Variants in TSC1 observed in about 807,000 individuals in gnomAD.
The protein encoded by TSC1 is TSC complex subunit 1, also known as hamartin.
TSC1 carries 20 observed loss-of-function variants against 124.3 expected under a neutral mutation model. The ratio of observed to expected loss-of-function variants is 0.16; its 90% CI spans 0.11 to 0.23. The LOEUF (loss-of-function observed/expected upper bound fraction) is 0.23, where lower values mean the gene tolerates loss of function less well. Ranked by LOEUF, TSC1 falls within the 10% of genes least tolerant of loss-of-function variation. The pLI, the probability that TSC1 is intolerant of heterozygous loss-of-function variation, is 1.00. For synonymous variants in TSC1, 493 were observed against 539.1 expected, an observed-to-expected ratio of 0.91 and a Z score of 1.19; for missense variants, 1,124 against 1,448.5, an observed-to-expected ratio of 0.78 and a Z score of 3.64.
chr9:132,906,595 C>T lies in TSC1; in HGVS notation c.1438+136G>A, dbSNP rs1012424202. 1 of 767,966 alleles carries T rather than the reference C, an allele frequency of 1.3e-6. No individual in the cohort carries two copies. The highest frequency in any genetic ancestry group is 2.1e-5 in the Admixed American group (1 of 48,112). The allele number at this position is 767,966 out of a possible 1,614,324, so 47.6% of individuals were successfully genotyped here. A position where few individuals can be genotyped will look rare whatever the true frequency, so the allele number is the denominator to read the frequency against. ...GGCATCACTTTACCTGGCATAGGTCCCAGACTAAACCACCCATCTTGTTAC... is the reference window on the plus strand; with the variant it reads ...GGCATCACTTTACCTGGCATAGGTCTCAGACTAAACCACCCATCTTGTTAC... On this transcript the variant is annotated intron_variant, in intron 14 of 22. Transcript: ENST00000298552. This position sits in a 1 kb window ranked among gnomAD's most constrained non-coding sequence, Gnocchi z 4.1.
Position 132,896,217 on chromosome 9 carries a change from C to A in TSC1, c.*18G>T. The A allele has an allele frequency of 1.2e-6, 2 of 1,614,176 alleles. No homozygotes were observed. The highest frequency in any genetic ancestry group is 1.1e-5 in the South Asian group (1 of 91,090). On this transcript the variant is annotated 3_prime_UTR_variant, in exon 23 of 23. Transcript: ENST00000298552. The surrounding 1 kb of genome is among the most constrained non-coding windows in gnomAD (Gnocchi z 4.5). ...TGTGCCAACAATATGCAAGTTAACACTGATTGACCATCATTCCTTAGCTGT... is the reference window on the plus strand; with the variant it reads ...TGTGCCAACAATATGCAAGTTAACAATGATTGACCATCATTCCTTAGCTGT...
intron 2 of TSC1, 127 bp from the exon 3 acceptor site, chr9:132,929,079 TCAAA>T: frequency 1.4e-6 from 1 of 730,510 alleles, no homozygotes; most frequent in Admixed American, 3.0e-5. Flanking sequence ...ATTCTCTGAT[TCAAA>T]CAGTGAGTAC....
At chr9:132,944,673 G>A, upstream of TSC1, 1 of 398,850 alleles carries the variant, frequency 2.5e-6, no homozygotes, top group Non-Finnish European at 4.4e-6. Flanking sequence ...CCACGAAAAA[G>A]AGTCCCCCTC....
rs1845935252 is a variant in TSC1, at chr9:132,911,123, T to C, written c.1030-10A>G. On this transcript the variant is annotated splice_polypyrimidine_tract_variant and intron_variant, in intron 10 of 22. Coordinates refer to ENST00000298552, the MANE Select transcript of TSC1 (RefSeq NM_000368.5). ...GGCTCCAAAGAGTAGCCTGGGAAGT[T>C]AATAAAGTACATCAGCAGTGGCAAA... The C allele has an allele frequency of 6.2e-7, 1 of 1,604,552 alleles. No homozygotes were observed. The highest frequency in any genetic ancestry group is 1.1e-5 in the South Asian group (1 of 90,882).
In TSC1 at chr9:132,910,636, G is replaced by C. The variant is rs773160913; in HGVS notation, c.1198C>G (p.Leu400Val). Residue 400 changes from leucine (L) to valine (V), a missense_variant, in exon 12 of 23, where the codon CTC becomes GTC. Around this residue, in one of 5 missense-constraint regions of TSC1, gnomAD observed 463 missense variants for 606.8 expected, o/e 0.76. Transcript: ENST00000298552. The part of the protein sequence containing the change: ...TPATSPPPAP[L>V]CHSDDYVHIS... Reference sequence around the variant, plus strand: ...TGCACGTAGTCATCCGAATGACAGAGTGGGGCTGGAGGAGGAGAGGTTGCT... The same window carrying C: ...TGCACGTAGTCATCCGAATGACAGACTGGGGCTGGAGGAGGAGAGGTTGCT... The C allele has an allele frequency of 6.2e-7, 1 of 1,614,136 alleles. No individual in the cohort carries two copies. The highest frequency in any genetic ancestry group is 8.5e-7 in the Non-Finnish European group (1 of 1,180,050).
intron 8 of TSC1, among the ~76,000 whole-genome samples, chr9:132,913,970 C>T (rs1278768177): frequency 7.6e-6 from 1 of 132,124 alleles, no homozygotes; most frequent in Non-Finnish European, 1.6e-5. Flanking sequence ...GCAATCTCGA[C>T]TCACTGCAAC....
At chr9:132,927,825 C>T (rs1846967567) in intron 3 of TSC1, among the ~76,000 whole-genome samples, 1 of 152,122 alleles carries the variant, frequency 6.6e-6, no homozygotes, top group African/African-American at 2.4e-5. Context: ...ACACCTGGCC[C>T]TTTATTGCTT....
intron 18 of TSC1, 92 bp from the exon 19 acceptor site, chr9:132,901,791 T>A (rs1564476345): frequency 9.0e-7 from 1 of 1,112,604 alleles, no homozygotes; most frequent in East Asian, 2.4e-5. Flanking sequence ...GGACTGGGAA[T>A]GCCTTAGCTC....
At chr9:132,905,371 T>C (rs1010695335) in intron 15 of TSC1, among the ~76,000 whole-genome samples, 4 of 152,212 alleles carry the variant, frequency 2.6e-5, no homozygotes, top group African/African-American at 9.7e-5. Context: ...AATGGACTGC[T>C]AAGGAATCAT....
Position 132,900,832 on chromosome 9 carries a change from T to C in TSC1, c.2508A>G (p.Ser836=), listed in dbSNP as rs1554814456. 6.2e-7 allele frequency: 1 copy of C among 1,614,084 alleles called. No homozygotes were observed. The highest frequency in any genetic ancestry group is 8.5e-7 in the Non-Finnish European group (1 of 1,179,980). Residue 836 remains serine (S), a synonymous_variant, in exon 20 of 23, where the codon TCA becomes TCG. Coordinates refer to ENST00000298552, the MANE Select transcript of TSC1 (RefSeq NM_000368.5). The part of the protein sequence containing the change: ...LLLSQVSQKL[S]NSESVQQQME... ...TCTGCTGCTGGACCGACTCACTGTTTGAGAGCTAACCAAAAAACATGAGCA... is the reference window on the plus strand; with the variant it reads ...TCTGCTGCTGGACCGACTCACTGTTCGAGAGCTAACCAAAAAACATGAGCA...
intron 8 of TSC1, among the ~76,000 whole-genome samples, chr9:132,913,792 C>T (rs1335161374): frequency 1.4e-5 from 2 of 140,210 alleles, no homozygotes; most frequent in Admixed American, 7.2e-5. Flanking sequence ...CGCCACTGCA[C>T]TCCAGCCTGG....
Position 132,897,480 on chromosome 9 carries a change from T to G in TSC1, c.2756A>C (p.Lys919Thr), listed in dbSNP as rs1324456435. ...CTTCTGTTCCAAAAGAAGGTGGTCT[T>G]TCTTGGCCAGGTGAGATTCCAGTTC... ...ILELESHLAKKDHLLLEQKKY... is the reference protein window; with the variant it reads ...ILELESHLAKTDHLLLEQKKY... Residue 919 changes from lysine to threonine, a missense_variant, in exon 21 of 23, where the codon AAA (lysine) becomes ACA (threonine). Physicochemically the swap from Lys to Thr is moderately conservative, Grantham distance 78. Coordinates refer to ENST00000298552, the MANE Select transcript of TSC1 (RefSeq NM_000368.5). 6.2e-7 allele frequency: 1 copy of G among 1,614,192 alleles called. No homozygotes were observed. The highest frequency in any genetic ancestry group is 8.5e-7 in the Non-Finnish European group (1 of 1,180,042).
At chr9:132,937,013 G>C (rs1365668374) in intron 1 of TSC1, among the ~76,000 whole-genome samples, 2 of 152,198 alleles carry the variant, frequency 1.3e-5, no homozygotes, top group African/African-American at 2.4e-5. Flanking sequence ...AACTCCACTG[G>C]TCTCTTCAGT....
rs772962741 is a variant in TSC1 at position 132,911,449 on chromosome 9, A to G, written c.1029+4T>C. On this transcript the variant is annotated splice_donor_region_variant and intron_variant, in intron 10 of 22. Transcript: ENST00000298552. Reference sequence around the variant, plus strand: ...GAGAGCAGGCACACTAGTTGACACCATACTTGTGGTGGTTCAGTTATCAGC... The same window carrying G: ...GAGAGCAGGCACACTAGTTGACACCGTACTTGTGGTGGTTCAGTTATCAGC... 1.9e-6 allele frequency: 3 copies of G among 1,604,304 alleles called. No homozygotes were observed. The highest frequency in any genetic ancestry group is 1.7e-5 in the Admixed American group (1 of 59,980).
Position 132,910,562 on chromosome 9 carries a change from G to A in TSC1, c.1263+9C>T, listed in dbSNP as rs761837376. The A allele has an allele frequency of 8.7e-6, 14 of 1,614,026 alleles. No individual in the cohort carries two copies. The South Asian group carries it at 1.4e-4, about 16-fold the overall frequency. On this transcript the variant is annotated intron_variant, in intron 12 of 22. Coordinates refer to ENST00000298552, the MANE Select transcript of TSC1 (RefSeq NM_000368.5). ...TGGGCAGAGGGATAGCAGACGAGCT[G>A]GATCGCACCTTCCTGGGGGGTGTGA...
intron 2 of TSC1, among the ~76,000 whole-genome samples, chr9:132,930,194 T>G (rs889620283): frequency 2.0e-5 from 3 of 152,116 alleles, no homozygotes; most frequent in Non-Finnish European, 4.4e-5. Flanking sequence ...AATCTATATT[T>G]TAATAAGCAC....
rs1845117262 is a variant in TSC1 at position 132,897,212 on chromosome 9, C to T, written c.2947G>A (p.Ala983Thr). The change falls in exon 22 of 23, where the codon GCA becomes ACA. Residue 983 changes from alanine to threonine, a missense_variant. Physicochemically the swap from Ala to Thr is moderately conservative, Grantham distance 58. Around this residue, in one of 5 missense-constraint regions of TSC1, gnomAD observed 325 missense variants for 383.4 expected, o/e 0.85. Coordinates refer to ENST00000298552, the MANE Select transcript of TSC1 (RefSeq NM_000368.5). Reference sequence around the variant, plus strand: ...TCTTCTGCTGCTTCAGCTGCTTCTGCTTTTTCTTCTTCAAGTTTTTTCAGG... The same window carrying T: ...TCTTCTGCTGCTTCAGCTGCTTCTGTTTTTTCTTCTTCAAGTTTTTTCAGG... Reference protein sequence around the residue: ...GLLKKLEEEKAEAAEAAEERL... With the variant: ...GLLKKLEEEKTEAAEAAEERL... 1 of 1,614,166 alleles carries T rather than the reference C, an allele frequency of 6.2e-7. No homozygotes were observed. The highest frequency in any genetic ancestry group is 8.5e-7 in the Non-Finnish European group (1 of 1,180,032).
At position 132,906,031 on chromosome 9, in the gene TSC1, T is replaced by G; in HGVS notation, c.1547A>C (p.Gln516Pro). 6.2e-7 allele frequency: 1 copy of G among 1,613,898 alleles called. No homozygotes were observed. Among genetic ancestry groups the G allele is most frequent in the South Asian group, 1.1e-5 (1 of 91,042 alleles). Reference sequence around the variant, plus strand: ...GGAGGCTGCCGAGTGGGTCTTCCGCTGAGAACCTGGGAGACTGTCTCGGTA... The same window carrying G: ...GGAGGCTGCCGAGTGGGTCTTCCGCGGAGAACCTGGGAGACTGTCTCGGTA... ...PFYRDSLPGS[Q>P]RKTHSAASSS... Residue 516 changes from glutamine to proline, a missense_variant, in exon 15 of 23, where the codon CAG (glutamine) becomes CCG (proline). Around this residue, in one of 5 missense-constraint regions of TSC1, gnomAD observed 321 missense variants for 397.4 expected, o/e 0.81. Coordinates refer to ENST00000298552, the MANE Select transcript of TSC1 (RefSeq NM_000368.5). The surrounding 1 kb of genome is among the most constrained non-coding windows in gnomAD (Gnocchi z 4.1).
chr9:132,906,386 A>C lies in TSC1; in HGVS notation c.1439-247T>G. ...CATAGGGAGATCCCATCTCTACAAA[A>C]AATACAATAAAAATCAGCTGAGCAT... On this transcript the variant is annotated intron_variant, in intron 14 of 22. Coordinates refer to ENST00000298552, the MANE Select transcript of TSC1 (RefSeq NM_000368.5). The surrounding 1 kb of genome is among the most constrained non-coding windows in gnomAD (Gnocchi z 4.1). The C allele has an allele frequency of 5.3e-6, 3 of 565,858 alleles. No individual in the cohort carries two copies. Among genetic ancestry groups the C allele is most frequent in the Non-Finnish European group, 9.4e-6 (3 of 317,886 alleles). 35.1% of individuals were successfully genotyped at this position (565,858 alleles called of 1,614,324 possible).
Sources: gnomAD v4.1 joint callset for allele counts (sites outside exome capture counted in the v4.1 genomes callset) on GRCh38, gnomAD v4.1.1 for gene constraint, gnomAD v4.1.1 regional missense constraint, Gnocchi (gnomAD v3.1) non-coding constraint, MANE v1.5 for transcripts, NCBI Gene and HGNC (gene_info 2026-07-23, HGNC 2026-07-21) for gene names.